ERICH2: variants seen among roughly 807,000 people sequenced by gnomAD.
ERICH2 encodes glutamate-rich protein 2.
ERICH2 carries 17 observed loss-of-function variants against 17.4 expected under a neutral mutation model. The ratio of observed to expected loss-of-function variants is 0.98; its 90% CI spans 0.67 to 1.47. The LOEUF is 1.47. Ranked by LOEUF, ERICH2 falls within the 40% of genes most tolerant of loss-of-function variation. ERICH2 has a pLI of 0.00. For synonymous variants in ERICH2, 51 were observed against 61.1 expected (o/e 0.83, Z 0.77); for missense variants, 186 against 183.2 (o/e 1.01, Z -0.09).
upstream of ERICH2, chr2:170,783,775 A>C (rs761069411): frequency 3.6e-4 from 565 of 1,549,486 alleles, no homozygotes; most frequent in Non-Finnish European, 4.8e-4. Context: ...CCTTGGTGAC[A>C]TCAGTGCATT....
upstream of ERICH2, among the ~76,000 whole-genome samples, chr2:170,779,296 T>A (rs1575404202): frequency 1.3e-5 from 2 of 152,248 alleles, no homozygotes; most frequent in African/African-American, 4.8e-5. Context: ...GACTGGCAAG[T>A]GAGATTTGCC....
intron 3 of ERICH2, among the ~76,000 whole-genome samples, chr2:170,796,094 A>T (rs775437117): frequency 2.6e-5 from 4 of 152,178 alleles, no homozygotes; most frequent in Non-Finnish European, 5.9e-5. Flanking sequence ...AGCTGGAGAA[A>T]CCCTCTTCTG....
Position 170,797,480 on chromosome 2 carries a change from T to G in ERICH2, c.275-561T>G, listed in dbSNP as rs144726395. Among the ~76,000 whole-genome samples, 7 of 152,250 alleles carry G rather than the reference T, an allele frequency of 4.6e-5. No individual in the cohort carries two copies. The East Asian group carries it at 1.4e-3, about 29-fold the overall frequency. On this transcript the variant is annotated intron_variant, in intron 3 of 4. Transcript: ENST00000409885. Reference sequence around the variant, plus strand: ...GAAGCTATATTGAGGTGATAGAGATTGCTTTCTATGGATAGGAGGTAGAAA... The same window carrying G: ...GAAGCTATATTGAGGTGATAGAGATGGCTTTCTATGGATAGGAGGTAGAAA...
exon 4 of ERICH2, chr2:170,798,082 T>C (rs1575413611): frequency 6.5e-7 from 1 of 1,549,104 alleles, no homozygotes. Context: ...CAAGGAGTTT[T>C]TCACACTTAT....
At chr2:170,786,753 C>A (rs987756301) in intron 2 of ERICH2, among the ~76,000 whole-genome samples, 2 of 151,882 alleles carry the variant, frequency 1.3e-5, no homozygotes, top group Non-Finnish European at 2.9e-5. Context: ...CTTTTCTTTG[C>A]AGTTATAATC....
upstream of ERICH2, among the ~76,000 whole-genome samples, chr2:170,779,104 A>G (rs912073091): frequency 6.6e-6 from 1 of 152,224 alleles, no homozygotes; most frequent in Non-Finnish European, 1.5e-5. Flanking sequence ...TTGTCACCTC[A>G]GGTACTTCAC....
intron 2 of ERICH2, among the ~76,000 whole-genome samples, chr2:170,786,621 T>C (rs1407674643): frequency 6.6e-6 from 1 of 152,160 alleles, no homozygotes; most frequent in Non-Finnish European, 1.5e-5. Flanking sequence ...TAAGGTGCAA[T>C]TGCTAAAACG....
upstream of ERICH2, among the ~76,000 whole-genome samples, chr2:170,780,159 G>A (rs1265818061): frequency 6.6e-6 from 1 of 151,924 alleles, no homozygotes; most frequent in Non-Finnish European, 1.5e-5. Context: ...GAATATTATT[G>A]CATAAAGTAA....
At chr2:170,793,594 A>G (rs1478401301) in intron 3 of ERICH2, among the ~76,000 whole-genome samples, 1 of 152,140 alleles carries the variant, frequency 6.6e-6, no homozygotes, top group African/African-American at 2.4e-5. Context: ...TGTGCCTGAA[A>G]GGAATAGTGA....
chr2:170,779,057 G>A (rs1339771974), upstream of ERICH2, among the ~76,000 whole-genome samples: 1 of 152,182 alleles, frequency 6.6e-6, no homozygotes, highest in African/African-American at 2.4e-5. Context: ...GGACAAGGGT[G>A]GATAGTGTAG....
chr2:170,786,031 AT>A lies in ERICH2; in HGVS notation c.216+1206del, dbSNP rs547363071. 4.1e-3 allele frequency among the ~76,000 whole-genome samples: 617 copies of A among 151,724 alleles called. 2 individuals carry two copies. Among genetic ancestry groups the A allele is most frequent in the African/African-American group, 0.014 (565 of 41,402 alleles). On this transcript the variant is annotated intron_variant, in intron 2 of 4. Transcript: ENST00000409885. ...TATGTTGTAAGCCCTTCAATACATT[AT>A]TTTTTTTAATGGTTAATTCTCTTTT... is the stretch of plus-strand genomic sequence containing the variant.
chr2:170,798,027 A>G lies in ERICH2; in HGVS notation c.275-14A>G. The stretch of plus-strand genomic sequence containing the variant: ...GTTAATAACACACATTCTGTTGTCC[A>G]TTTTCATTTTCAGTCCTAATCTATG... On this transcript the variant is annotated splice_polypyrimidine_tract_variant and intron_variant, in intron 3 of 4. Transcript: ENST00000409885. The G allele has an allele frequency of 2.0e-6, 3 of 1,532,458 alleles. No homozygotes were observed. Among genetic ancestry groups the G allele is most frequent in the Non-Finnish European group, 1.8e-6 (2 of 1,130,754 alleles). 94.9% of individuals were successfully genotyped at this position (1,532,458 alleles called of 1,614,324 possible).
the ERICH2 span, chr2:170,777,414 T>A: frequency 2.5e-6 from 3 of 1,186,542 alleles, no homozygotes; most frequent in African/African-American, 4.7e-5. Flanking sequence ...TTGCTAATGT[T>A]TGATCCAAAC....
At chr2:170,783,656 T>G (rs1701080576), upstream of ERICH2, 3 of 777,024 alleles carry the variant, frequency 3.9e-6, no homozygotes, top group East Asian at 2.7e-5. Flanking sequence ...AGAGGACTGC[T>G]TTAGATCTAG....
At chr2:170,788,004 T>C (rs527357734) in intron 2 of ERICH2, among the ~76,000 whole-genome samples, 2 of 152,354 alleles carry the variant, frequency 1.3e-5, no homozygotes, top group African/African-American at 4.8e-5. Context: ...CTCAATTAGA[T>C]TTTTAGCACA....
At chr2:170,774,564 C>CTTCTTTTTTTTTT in the ERICH2 span, among the ~76,000 whole-genome samples, 252 of 98,512 alleles carry the variant, frequency 2.6e-3, 11 homozygotes, top group African/African-American at 0.012. Flanking sequence ...AGAGCCCCAT[C>CTTCTTTTTTTTTT]TTTTTTTTTT....
At chr2:170,791,317 G>A (rs1164849417) in intron 2 of ERICH2, among the ~76,000 whole-genome samples, 1 of 151,980 alleles carries the variant, frequency 6.6e-6, no homozygotes, top group Non-Finnish European at 1.5e-5. Context: ...ATGGGCAGGG[G>A]GTTAAGATAA....
chr2:170,792,651 C>G (rs573059595), intron 2 of ERICH2, among the ~76,000 whole-genome samples: 1 of 152,196 alleles, frequency 6.6e-6, no homozygotes, highest in Non-Finnish European at 1.5e-5. Flanking sequence ...TGCAGGAAAG[C>G]AGAGGTATCA....
rs778378505 is a variant in ERICH2, at chr2:170,798,211, G to T, written c.346+99G>T. ...GAGATTGTCGATACATCTTTAGGAA[G>T]TGGTTAAGAAAAGGCTAAATGGCTG... is the stretch of plus-strand genomic sequence containing the variant. On this transcript the variant is annotated intron_variant, in intron 4 of 4. Coordinates refer to ENST00000409885, the Ensembl canonical transcript of ERICH2. 5.9e-6 allele frequency: 5 copies of T among 847,842 alleles called. No homozygotes were observed. In the South Asian group the frequency reaches 6.0e-5, roughly 10 times the overall value. The allele number at this position is 847,842 out of a possible 1,614,324, so 52.5% of individuals were successfully genotyped here. A position where few individuals can be genotyped will look rare whatever the true frequency, so the allele number is the denominator to read the frequency against.
Sources: allele counts gnomAD v4.1 joint callset (sites outside exome capture counted in the v4.1 genomes callset), GRCh38; gene constraint gnomAD v4.1.1; transcripts MANE v1.5; gene names NCBI Gene and HGNC (gene_info 2026-07-23, HGNC 2026-07-21).